The following UBE2E1 variants were observed in gnomAD, a reference collection of about 807,000 sequenced individuals.
UBE2E1 encodes the protein ubiquitin conjugating enzyme E2 E1.
UBE2E1 carries 6 observed loss-of-function variants against 21.4 expected under a neutral mutation model. That is an observed-to-expected ratio of 0.28 (90% confidence interval 0.15 to 0.55). UBE2E1 has a LOEUF of 0.55. UBE2E1 is among the 20% of genes least tolerant of loss of function. The pLI is 0.93. For synonymous variants in UBE2E1, 87 were observed against 82.7 expected, an observed-to-expected ratio of 1.05 and a Z score of -0.28; for missense variants, 142 against 236.5, an observed-to-expected ratio of 0.60 and a Z score of 2.62.
chr3:23,880,288 C>T (rs6797686), intron 3 of UBE2E1, among the ~76,000 whole-genome samples: 37,647 of 152,138 alleles, frequency 0.25, 5,042 homozygotes, highest in Middle Eastern at 0.39. Flanking sequence ...GAGGCTGAGG[C>T]AGGAGAATTG....
At chr3:23,883,208 G>C (rs1701096217) in intron 3 of UBE2E1, among the ~76,000 whole-genome samples, 1 of 152,158 alleles carries the variant, frequency 6.6e-6, no homozygotes, top group Non-Finnish European at 1.5e-5. Flanking sequence ...ACTTCAACCA[G>C]TATTTAAAAT....
At chr3:23,877,205 G>A (rs1700936029) in intron 3 of UBE2E1, among the ~76,000 whole-genome samples, 1 of 152,098 alleles carries the variant, frequency 6.6e-6, no homozygotes, top group African/African-American at 2.4e-5. Flanking sequence ...TCCAGAGGCG[G>A]CACTTTGAAT....
chr3:23,854,433 G>T (rs941473338), intron 3 of UBE2E1, among the ~76,000 whole-genome samples: 7 of 152,112 alleles, frequency 4.6e-5, no homozygotes, highest in Non-Finnish European at 8.8e-5. Flanking sequence ...GTCTCAAAAT[G>T]AAGTCAACCC....
In UBE2E1 at chr3:23,876,474, C is replaced by G. The variant is rs1320941787; in HGVS notation, c.204-11093C>G. Among the ~76,000 whole-genome samples the G allele has an allele frequency of 6.6e-6, 1 of 152,156 alleles. No homozygotes were observed. The highest frequency in any genetic ancestry group is 1.5e-5 in the Non-Finnish European group (1 of 68,022). ...TTCACCCAGTATCTCTGGTAGATTG[C>G]TACCTTCATAGCTTATCTTCTCTAT... On this transcript the variant is annotated intron_variant, in intron 3 of 5. Coordinates refer to ENST00000306627, the MANE Select transcript of UBE2E1 (RefSeq NM_003341.5). The surrounding 1 kb of genome is among the most constrained non-coding windows in gnomAD (Gnocchi z 4.3).
intron 3 of UBE2E1, among the ~76,000 whole-genome samples, chr3:23,873,146 A>G (rs1053888471): frequency 1.3e-5 from 2 of 152,194 alleles, no homozygotes; most frequent in African/African-American, 4.8e-5. Flanking sequence ...GCCCTCTCAC[A>G]CCTGGTGTAG....
intron 3 of UBE2E1, among the ~76,000 whole-genome samples, chr3:23,833,722 C>T (rs1467856996): frequency 6.6e-6 from 1 of 152,174 alleles, no homozygotes; most frequent in African/African-American, 2.4e-5. Context: ...AGTGGCTGGG[C>T]GTGATGGCTT....
chr3:23,890,554 G>A lies in UBE2E1; in HGVS notation c.530G>A (p.Arg177Lys). The stretch of plus-strand genomic sequence containing the variant: ...ATTGCCACTCAGTATATGACCAACA[G>A]AGCAGAACATGACAGAATGGCCAGA... Reference protein sequence around the residue: ...GSIATQYMTNRAEHDRMARQW... With the variant: ...GSIATQYMTNKAEHDRMARQW... Residue 177 changes from arginine (R) to lysine (K), a missense_variant, in exon 6 of 6, where the codon AGA becomes AAA. This residue lies in a region of UBE2E1 where 87 missense variants were observed against 184.9 expected (regional missense o/e 0.47). Transcript: ENST00000306627. The A allele has an allele frequency of 1.9e-6, 3 of 1,613,726 alleles. No homozygotes were observed. Among genetic ancestry groups the A allele is most frequent in the Non-Finnish European group, 2.5e-6 (3 of 1,179,890 alleles).
chr3:23,806,670 G>C lies in UBE2E1; in HGVS notation c.-33-567G>C, dbSNP rs1337864834. 2 of 151,494 alleles carry C rather than the reference G, an allele frequency of 1.3e-5. No homozygotes were observed. The highest frequency in any genetic ancestry group is 3.9e-4 in the East Asian group (2 of 5,072). The allele number at this position is 151,494 out of a possible 1,614,324, so 9.4% of individuals were successfully genotyped here. ...GCGCGGGGGGGCCTCGGGCCTCGTC[G>C]CCCCTGCCCCCCGCCGGCCTCTCCC... is the stretch of plus-strand genomic sequence containing the variant. On this transcript the variant is annotated intron_variant, in intron 1 of 5. Transcript: ENST00000306627. The surrounding 1 kb of genome is among the most constrained non-coding windows in gnomAD (Gnocchi z 6.5).
Position 23,807,515 on chromosome 3 carries a change from T to C in UBE2E1, c.152+94T>C, listed in dbSNP as rs1356131471. 8.1e-6 allele frequency: 12 copies of C among 1,477,066 alleles called. No individual in the cohort carries two copies. The East Asian group carries it at 2.8e-4, about 34-fold the overall frequency. The allele number at this position is 1,477,066 out of a possible 1,614,324, so 91.5% of individuals were successfully genotyped here. On this transcript the variant is annotated intron_variant, in intron 2 of 5. Coordinates refer to ENST00000306627, the MANE Select transcript of UBE2E1 (RefSeq NM_003341.5). Reference sequence around the variant, plus strand: ...CTCCCAATGAGGATAGCTTAAACGCTCCTCATGGTTTATGTGTTCTTAAAA... The same window carrying C: ...CTCCCAATGAGGATAGCTTAAACGCCCCTCATGGTTTATGTGTTCTTAAAA...
intron 3 of UBE2E1, among the ~76,000 whole-genome samples, chr3:23,877,652 T>C (rs1700944013): frequency 6.6e-6 from 1 of 152,208 alleles, no homozygotes; most frequent in East Asian, 1.9e-4. Context: ...ACTGTTGAAA[T>C]ATGGGTGTTT....
At chr3:23,884,217 C>T (rs1478655119) in intron 3 of UBE2E1, among the ~76,000 whole-genome samples, 1 of 109,140 alleles carries the variant, frequency 9.2e-6, no homozygotes, top group African/African-American at 4.2e-5. Context: ...AAATTAACAC[C>T]TAAATTGCAA....
intron 3 of UBE2E1, among the ~76,000 whole-genome samples, chr3:23,817,950 C>T (rs1699563930): frequency 6.6e-6 from 1 of 152,076 alleles, no homozygotes; most frequent in Non-Finnish European, 1.5e-5. Context: ...TGGATAGAGA[C>T]AGAGTAAGGA....
chr3:23,842,201 GTGTGTGTGTGTGTGTGTGT>G lies in UBE2E1; in HGVS notation c.203+30692_203+30710del, dbSNP rs1700101842. Among the ~76,000 whole-genome samples the G allele has an allele frequency of 4.3e-5, 4 of 93,998 alleles. No individual in the cohort carries two copies. The highest frequency in any genetic ancestry group is 6.4e-5 in the Non-Finnish European group (3 of 46,682). The allele number at this position is 93,998 out of a possible 152,430, so 61.7% of individuals were successfully genotyped here. A position where few individuals can be genotyped will look rare whatever the true frequency, so the allele number is the denominator to read the frequency against. The stretch of plus-strand genomic sequence containing the variant: ...GTCATGACCCAGTAAGTGAAGGGGT[GTGTGTGTGTGTGTGTGTGT>G]GTGTGTGTGTGTGTGTGTGTGTGTG... On this transcript the variant is annotated intron_variant, in intron 3 of 5. Transcript: ENST00000306627. This position sits in a 1 kb window ranked among gnomAD's most constrained non-coding sequence, Gnocchi z 4.6.
At position 23,887,559 on chromosome 3, in the gene UBE2E1, A is replaced by G. The variant is rs1701217017; in HGVS notation, c.204-8A>G. 1.2e-6 allele frequency: 2 copies of G among 1,600,960 alleles called. No individual in the cohort carries two copies. The highest frequency in any genetic ancestry group is 2.2e-5 in the East Asian group (1 of 44,794). The stretch of plus-strand genomic sequence containing the variant: ...CCATCTGCTTATTTGTTGACGTATT[A>G]TTCACAGTGCTGGTCCCAAAGGCGA... On this transcript the variant is annotated splice_region_variant and splice_polypyrimidine_tract_variant and intron_variant, in intron 3 of 5. Transcript: ENST00000306627. The surrounding 1 kb of genome is among the most constrained non-coding windows in gnomAD (Gnocchi z 4.4).
At chr3:23,830,565 T>G (rs564491861) in intron 3 of UBE2E1, among the ~76,000 whole-genome samples, 13 of 152,182 alleles carry the variant, frequency 8.5e-5, no homozygotes, top group African/African-American at 3.1e-4. Context: ...GTTTGGGGTT[T>G]TGGTTGTGTA....
intron 3 of UBE2E1, among the ~76,000 whole-genome samples, chr3:23,849,540 A>T (rs1278362767): frequency 4.6e-5 from 7 of 151,958 alleles, no homozygotes; most frequent in Admixed American, 4.6e-4. Flanking sequence ...CTAGTGTGTG[A>T]TGTTTCCCTC....
At chr3:23,818,254 G>A (rs1169558369) in intron 3 of UBE2E1, among the ~76,000 whole-genome samples, 2 of 152,184 alleles carry the variant, frequency 1.3e-5, no homozygotes, top group African/African-American at 4.8e-5. Context: ...TTGATCACAT[G>A]CAATGCTTAG....
intron 3 of UBE2E1, among the ~76,000 whole-genome samples, chr3:23,886,058 A>C (rs1028115749): frequency 6.6e-6 from 1 of 152,036 alleles, no homozygotes; most frequent in African/African-American, 2.4e-5. Context: ...AACATTAGCC[A>C]GGTATGGTGG....
At position 23,810,647 on chromosome 3, in the gene UBE2E1, G is replaced by T; in HGVS notation, c.153-813G>T. On this transcript the variant is annotated intron_variant, in intron 2 of 5. Transcript: ENST00000306627. The surrounding 1 kb of genome is among the most constrained non-coding windows in gnomAD (Gnocchi z 5.8). ...TGTGGTGCCCGAGTGGCGGGCGGGG[G>T]TGTTCGCGCCCTGCTTTCGCGCGCG... 2.1e-6 allele frequency: 2 copies of T among 966,294 alleles called. No homozygotes were observed. The highest frequency in any genetic ancestry group is 1.7e-5 in the South Asian group (1 of 57,470). 59.9% of individuals were successfully genotyped at this position (966,294 alleles called of 1,614,324 possible). A position where few individuals can be genotyped will look rare whatever the true frequency, so the allele number is the denominator to read the frequency against.
Sources: allele counts gnomAD v4.1 joint callset (sites outside exome capture counted in the v4.1 genomes callset), GRCh38; gene constraint gnomAD v4.1.1; regional missense constraint gnomAD v4.1.1; non-coding constraint Gnocchi (gnomAD v3.1); transcripts MANE v1.5; gene names NCBI Gene and HGNC (gene_info 2026-07-23, HGNC 2026-07-21).